The following SLC38A10 variants were observed in gnomAD, a reference collection of about 807,000 sequenced individuals.
The protein encoded by SLC38A10 is Sodium-coupled neutral amino acid transporter 10.
Under a neutral mutation model 81.0 loss-of-function variants are expected in SLC38A10, and 53 were observed. The observed-to-expected ratio is 0.65, with a 90% CI of 0.53 to 0.82. The LOEUF is 0.82. Among genes scored for constraint, SLC38A10 ranks in the 40% least tolerant of loss-of-function variants. The pLI, the probability that SLC38A10 is intolerant of heterozygous loss-of-function variation, is 0.00. For missense variants in SLC38A10, 1,471 were observed against 1,545.0 expected, an observed-to-expected ratio of 0.95 and a Z score of 0.80; for synonymous variants, 665 against 655.3, an observed-to-expected ratio of 1.01 and a Z score of -0.23.
intron 5 of SLC38A10, 22 bp downstream of exon 5, chr17:81,282,167 C>T: frequency 6.2e-7 from 1 of 1,611,192 alleles, no homozygotes; most frequent in Non-Finnish European, 8.5e-7. Context: ...TCAGCGGGTA[C>T]CCACGCGCGC....
In SLC38A10 at chr17:81,247,056, C is replaced by T; in HGVS notation, c.2071G>A (p.Gly691Ser). The stretch of plus-strand genomic sequence containing the variant: ...GCGTGGTCCAGCATCTCCGCCCTGC[C>T]AGCTTCTGGGTTTGGAAAGCACACA... Reference protein sequence around the residue: ...NQAASQLEEAGRAEMLDHAVL... With the variant: ...NQAASQLEEASRAEMLDHAVL... Residue 691 changes from glycine (G) to serine (S), a missense_variant, in exon 15 of 16, where the codon GGC (glycine) becomes AGC (serine). Physicochemically the swap from Gly to Ser is moderately conservative, Grantham distance 56. This residue lies in a region of SLC38A10 where 751 missense variants were observed against 717.4 expected (regional missense o/e 1.05). Transcript: ENST00000374759. 1 of 1,583,032 alleles carries T rather than the reference C, an allele frequency of 6.3e-7. No individual in the cohort carries two copies. Among genetic ancestry groups the T allele is most frequent in the Admixed American group, 1.7e-5 (1 of 59,298 alleles).
rs2063165965 is a variant in SLC38A10 at position 81,276,737 on chromosome 17, A to G, written c.729+294T>C. On this transcript the variant is annotated intron_variant, in intron 7 of 15. Coordinates refer to ENST00000374759, the MANE Select transcript of SLC38A10 (RefSeq NM_001037984.3). The surrounding 1 kb of genome is among the most constrained non-coding windows in gnomAD (Gnocchi z 4.7). ...GAATTAACAGAGGTCTTGGAGAGAGAGTAAGAGTGGCTCGGATAAAGGGTT... is the reference window on the plus strand; with the variant it reads ...GAATTAACAGAGGTCTTGGAGAGAGGGTAAGAGTGGCTCGGATAAAGGGTT... Among the ~76,000 whole-genome samples, 1 of 152,172 alleles carries G rather than the reference A, an allele frequency of 6.6e-6. No individual in the cohort carries two copies. Among genetic ancestry groups the G allele is most frequent in the Non-Finnish European group, 1.5e-5 (1 of 68,036 alleles).
rs957696427 is a variant in SLC38A10 at position 81,252,217 on chromosome 17, C to A, written c.1923G>T (p.Gln641His). 1 of 1,526,734 alleles carries A rather than the reference C, an allele frequency of 6.5e-7. No homozygotes were observed. The highest frequency in any genetic ancestry group is 2.1e-5 in the Admixed American group (1 of 47,278). The allele number at this position is 1,526,734 out of a possible 1,614,324, so 94.6% of individuals were successfully genotyped here. ...CACCGTGGTCGCTGTCCTCTGCGGG[C>A]TGCCCTGTGTCCCCGGCGGCGTTGC... ...PPGNAAGDTGQPAEDSDHGGK... is the reference protein window; with the variant it reads ...PPGNAAGDTGHPAEDSDHGGK... The change falls in exon 13 of 16, where the codon CAG becomes CAT. Residue 641 changes from glutamine (Q) to histidine (H), a missense_variant. Gln to His is a conservative substitution (Grantham distance 24). Coordinates refer to ENST00000374759, the MANE Select transcript of SLC38A10 (RefSeq NM_001037984.3).
rs567256126 is a variant in SLC38A10 at position 81,252,118 on chromosome 17, C to T, written c.1945+77G>A. 1.1e-4 allele frequency: 166 copies of T among 1,478,304 alleles called. No individual in the cohort carries two copies. In the African/African-American group the frequency reaches 2.1e-3, roughly 18 times the overall value. 91.6% of individuals were successfully genotyped at this position (1,478,304 alleles called of 1,614,324 possible). A position where few individuals can be genotyped will look rare whatever the true frequency, so the allele number is the denominator to read the frequency against. On this transcript the variant is annotated intron_variant, in intron 13 of 15. Coordinates refer to ENST00000374759, the MANE Select transcript of SLC38A10 (RefSeq NM_001037984.3). ...GACTGGGGACTGAGGGAGGAACCAT[C>T]GATTCTGCTGCCCCTGCCCAGCCTC...
At chr17:81,247,135 C>T (rs1216538504) in intron 14 of SLC38A10, 74 bp from the exon 15 acceptor site, 1 of 1,456,674 alleles carries the variant, frequency 6.9e-7, no homozygotes, top group Admixed American at 2.2e-5. Context: ...CGGCGCGGCC[C>T]ACAGCAAGGC....
At chr17:81,280,299 T>C (rs2063198927) in intron 6 of SLC38A10, 1 of 494,086 alleles carries the variant, frequency 2.0e-6, no homozygotes, top group South Asian at 2.0e-5. Flanking sequence ...CGCTCGACTC[T>C]GTGCAGTCAG....
At chr17:81,272,128 G>A (rs2063121674) in intron 9 of SLC38A10, among the ~76,000 whole-genome samples, 1 of 151,782 alleles carries the variant, frequency 6.6e-6, no homozygotes, top group Non-Finnish European at 1.5e-5. Context: ...CTCCTCCCGG[G>A]TTCAAGTGAT....
chr17:81,277,058 A>G lies in SLC38A10; in HGVS notation c.702T>C (p.Leu234=). Residue 234 remains leucine (L), a synonymous_variant, in exon 7 of 16, where the codon CTT becomes CTC. Coordinates refer to ENST00000374759, the MANE Select transcript of SLC38A10 (RefSeq NM_001037984.3). The surrounding 1 kb of genome is among the most constrained non-coding windows in gnomAD (Gnocchi z 4.5). Reference sequence around the variant, plus strand: ...TGACGTAGAAGGTGGTGACCACATTAAGGGAGGAAGCAAATATGGAGCTCA... The same window carrying G: ...TGACGTAGAAGGTGGTGACCACATTGAGGGAGGAAGCAAATATGGAGCTCA... ...KTMSSIFASS[L]NVVTTFYVMV... is the part of the protein sequence containing the mutation. 1.2e-6 allele frequency: 2 copies of G among 1,613,964 alleles called. No individual in the cohort carries two copies. Among genetic ancestry groups the G allele is most frequent in the Middle Eastern group, 3.3e-4 (2 of 6,058 alleles).
intron 6 of SLC38A10, chr17:81,279,848 G>C (rs1169791523): frequency 5.4e-6 from 1 of 185,320 alleles, no homozygotes; most frequent in East Asian, 1.7e-4. Flanking sequence ...TGGAGATGGA[G>C]CTGCCAAGAG....
chr17:81,247,172 T>TTCGG, intron 14 of SLC38A10, 111 bp from the exon 15 acceptor site: 1 of 1,174,694 alleles, frequency 8.5e-7, no homozygotes, highest in Non-Finnish European at 1.2e-6. Context: ...GCAGGGAGTG[T>TTCGG]GCCCGAACAC....
intron 9 of SLC38A10, among the ~76,000 whole-genome samples, chr17:81,271,338 T>C (rs994272600): frequency 1.3e-5 from 2 of 152,204 alleles, no homozygotes; most frequent in Non-Finnish European, 2.9e-5. Flanking sequence ...TCCTGCCTGC[T>C]GCTCCATGAG....
In SLC38A10 at chr17:81,283,541, C is replaced by A. The variant is rs199743380; in HGVS notation, c.264-39G>T. ...GGGGGTACGGGAAATGCCATCAGGG[C>A]AAGCTGGCACACACCTGGGCTGCCG... is the stretch of plus-strand genomic sequence containing the variant. On this transcript the variant is annotated intron_variant, in intron 3 of 15. Transcript: ENST00000374759. The surrounding 1 kb of genome is among the most constrained non-coding windows in gnomAD (Gnocchi z 4.7). 6.5e-7 allele frequency: 1 copy of A among 1,541,160 alleles called. No homozygotes were observed. The highest frequency in any genetic ancestry group is 1.4e-5 in the African/African-American group (1 of 73,384).
At chr17:81,271,548 A>G (rs1375213038) in intron 9 of SLC38A10, among the ~76,000 whole-genome samples, 2 of 152,176 alleles carry the variant, frequency 1.3e-5, no homozygotes, top group Non-Finnish European at 2.9e-5. Flanking sequence ...GAGTGGGTGC[A>G]TTTGGGTAAC....
At position 81,289,101 on chromosome 17, in the gene SLC38A10, C is replaced by T. The variant is rs562366495; in HGVS notation, c.217+590G>A. On this transcript the variant is annotated intron_variant, in intron 2 of 15. Transcript: ENST00000374759. The surrounding 1 kb of genome is among the most constrained non-coding windows in gnomAD (Gnocchi z 5.9). The stretch of plus-strand genomic sequence containing the variant: ...TGGCACCAAGGCTCGAGTGCAGTGG[C>T]GTGATCTCAGCTCACTGCAGCCTCC... Among the ~76,000 whole-genome samples, 12 of 152,224 alleles carry T rather than the reference C, an allele frequency of 7.9e-5. No homozygotes were observed. The highest frequency in any genetic ancestry group is 9.6e-5 in the African/African-American group (4 of 41,534).
intron 5 of SLC38A10, 111 bp downstream of exon 5, chr17:81,282,078 A>G (rs1324472979): frequency 2.1e-6 from 3 of 1,446,638 alleles, no homozygotes; most frequent in Non-Finnish European, 1.9e-6. Flanking sequence ...ACACATTCCC[A>G]GGAGGCAGCA....
intron 1 of SLC38A10, among the ~76,000 whole-genome samples, chr17:81,294,309 G>A (rs184524311): frequency 6.6e-6 from 1 of 152,288 alleles, no homozygotes; most frequent in Admixed American, 6.5e-5. Flanking sequence ...GGGATTACAG[G>A]TGTGAGCCAC....
Position 81,289,950 on chromosome 17 carries a change from A to G in SLC38A10, c.100-142T>C, listed in dbSNP as rs2063297636. On this transcript the variant is annotated intron_variant, in intron 1 of 15. Transcript: ENST00000374759. This position sits in a 1 kb window ranked among gnomAD's most constrained non-coding sequence, Gnocchi z 5.9. ...TCTCCTGCCGAACGCGACACTTCCT[A>G]GCACTGAAAGGGCCATTTCCTTGCT... The G allele has an allele frequency of 1.6e-6, 1 of 645,110 alleles. No homozygotes were observed. Among genetic ancestry groups the G allele is most frequent in the East Asian group, 3.1e-5 (1 of 32,032 alleles). The allele number at this position is 645,110 out of a possible 1,614,324, so 40.0% of individuals were successfully genotyped here.
At chr17:81,252,766 G>C (rs1384204133) in intron 12 of SLC38A10, 83 bp from the exon 13 acceptor site, 1 of 1,503,102 alleles carries the variant, frequency 6.7e-7, no homozygotes, top group Non-Finnish European at 8.8e-7. Context: ...TTCTTCCCTG[G>C]GTTCTGGCTC....
intron 11 of SLC38A10, among the ~76,000 whole-genome samples, chr17:81,255,076 G>T (rs1206800664): frequency 6.6e-6 from 1 of 152,270 alleles, no homozygotes; most frequent in Admixed American, 6.5e-5. Flanking sequence ...CAGGAGCCGC[G>T]GGACGGGAAG....
Sources: gnomAD v4.1 joint callset for allele counts (sites outside exome capture counted in the v4.1 genomes callset) on GRCh38, gnomAD v4.1.1 for gene constraint, gnomAD v4.1.1 regional missense constraint, Gnocchi (gnomAD v3.1) non-coding constraint, MANE v1.5 for transcripts, NCBI Gene and HGNC (gene_info 2026-07-23, HGNC 2026-07-21) for gene names.